ITPR2: variants seen among roughly 807,000 people sequenced by gnomAD.
The protein encoded by ITPR2 is inositol 1,4,5-trisphosphate-gated calcium channel ITPR2.
In ITPR2, 207 loss-of-function variants were observed where a neutral mutation model predicts 317.1. The ratio of observed to expected loss-of-function variants is 0.65; its 90% CI spans 0.58 to 0.73. ITPR2 has a LOEUF of 0.73. Ranked by LOEUF, ITPR2 falls within the 30% of genes least tolerant of loss-of-function variation. ITPR2 has a pLI of 0.00. For missense variants in ITPR2, 2,613 were observed against 3,284.0 expected (o/e 0.80, Z 4.99); for synonymous variants, 1,156 against 1,149.1 (o/e 1.01, Z -0.12).
Position 26,711,274 on chromosome 12 carries a change from AAG to A in ITPR2, c.856-8_856-7del. 1.9e-6 allele frequency: 3 copies of A among 1,600,038 alleles called. No homozygotes were observed. The highest frequency in any genetic ancestry group is 2.6e-6 in the Non-Finnish European group (3 of 1,167,196). ...CATGGGTCATGATGAACCACCTACA[AAG>A]AGAGCAACGATAGTAATGGCAAAAC... is the stretch of plus-strand genomic sequence containing the variant. On this transcript the variant is annotated splice_polypyrimidine_tract_variant and splice_region_variant and intron_variant, in intron 8 of 56. Transcript: ENST00000381340.
intron 37 of ITPR2, among the ~76,000 whole-genome samples, chr12:26,535,343 G>A (rs921378147): frequency 6.6e-5 from 10 of 152,126 alleles, no homozygotes; most frequent in South Asian, 2.1e-4. Flanking sequence ...GTGTACGGTC[G>A]AGGTCACAGA....
chr12:26,524,598 T>A (rs953490337), intron 37 of ITPR2, among the ~76,000 whole-genome samples: 1 of 152,184 alleles, frequency 6.6e-6, no homozygotes, highest in Admixed American at 6.5e-5. Context: ...TGTTTTTAAA[T>A]TTTTAAAAAA....
intron 9 of ITPR2, among the ~76,000 whole-genome samples, chr12:26,710,656 C>A: frequency 6.6e-6 from 1 of 152,202 alleles, no homozygotes; most frequent in East Asian, 1.9e-4. Flanking sequence ...TGTCTGTCAA[C>A]ATACTTTTAG....
At chr12:26,371,804 CTTCT>C (rs1364433752) in intron 55 of ITPR2, among the ~76,000 whole-genome samples, 1 of 152,094 alleles carries the variant, frequency 6.6e-6, no homozygotes, top group East Asian at 1.9e-4. Context: ...TTTCCAGTTC[CTTCT>C]ATCACATTTT....
intron 2 of ITPR2, among the ~76,000 whole-genome samples, chr12:26,761,659 T>C (rs561638774): frequency 1.2e-4 from 19 of 152,296 alleles, no homozygotes; most frequent in Non-Finnish European, 2.5e-4. Context: ...TAGCCAGGCA[T>C]AGTGGCACAT....
At chr12:26,475,861 A>G (rs370862260) in intron 44 of ITPR2, among the ~76,000 whole-genome samples, 1 of 152,250 alleles carries the variant, frequency 6.6e-6, no homozygotes, top group East Asian at 1.9e-4. Flanking sequence ...CATCGGTCCT[A>G]ATCCAGGGCT....
intron 37 of ITPR2, among the ~76,000 whole-genome samples, chr12:26,505,101 AT>A (rs1207555641): frequency 9.9e-5 from 15 of 152,204 alleles, no homozygotes; most frequent in African/African-American, 3.6e-4. Context: ...ATGAGTCTTT[AT>A]TATATTTAAT....
chr12:26,773,935 A>G (rs1949913931), intron 2 of ITPR2, among the ~76,000 whole-genome samples: 1 of 149,974 alleles, frequency 6.7e-6, no homozygotes, highest in Admixed American at 6.7e-5. Flanking sequence ...AGGATGACTC[A>G]CCACAAACAC....
chr12:26,456,595 A>G (rs1340532320), intron 45 of ITPR2, among the ~76,000 whole-genome samples: 1 of 152,134 alleles, frequency 6.6e-6, no homozygotes, highest in Non-Finnish European at 1.5e-5. Flanking sequence ...ACTTTACTCT[A>G]TGGACTTGCC....
rs7964736 is a variant in ITPR2 at position 26,598,493 on chromosome 12, G to C, written c.4002+652C>G. 7.0e-3 allele frequency among the ~76,000 whole-genome samples: 1,068 copies of C among 152,248 alleles called. 12 individuals carry two copies. Among genetic ancestry groups the C allele is most frequent in the African/African-American group, 0.025 (1,036 of 41,544 alleles). The stretch of plus-strand genomic sequence containing the variant: ...CACAGAGCGGTGATTTAATCAACGG[G>C]CTCTTTAAGCTGCTACTTCTCCAAT... On this transcript the variant is annotated intron_variant, in intron 30 of 56. Coordinates refer to ENST00000381340, the MANE Select transcript of ITPR2 (RefSeq NM_002223.4).
chr12:26,623,291 T>A (rs1328584013), intron 24 of ITPR2: 1 of 152,170 alleles, frequency 6.6e-6, no homozygotes, highest in Non-Finnish European at 1.5e-5. Context: ...ATTTGGGACA[T>A]GAATCATCCC....
intron 37 of ITPR2, among the ~76,000 whole-genome samples, chr12:26,549,602 T>C (rs1047577819): frequency 2.6e-5 from 4 of 152,128 alleles, no homozygotes; most frequent in African/African-American, 9.7e-5. Flanking sequence ...TCTAGATTTA[T>C]ACTTTATATT....
intron 13 of ITPR2, among the ~76,000 whole-genome samples, chr12:26,681,324 G>A (rs1435411853): frequency 2.0e-5 from 3 of 152,288 alleles, no homozygotes; most frequent in South Asian, 2.1e-4. Flanking sequence ...TGCAATAATC[G>A]TTAGCTGTCA....
chr12:26,639,546 T>G (rs1394727326), intron 21 of ITPR2, among the ~76,000 whole-genome samples: 1 of 151,956 alleles, frequency 6.6e-6, no homozygotes, highest in Non-Finnish European at 1.5e-5. Context: ...TGTATACATG[T>G]GCCATGTTGG....
intron 10 of ITPR2, among the ~76,000 whole-genome samples, chr12:26,687,812 T>C (rs539194041): frequency 1.3e-5 from 2 of 152,192 alleles, no homozygotes; most frequent in Non-Finnish European, 2.9e-5. Context: ...GCTCCCGTCA[T>C]CTTTGACTTC....
intron 21 of ITPR2, among the ~76,000 whole-genome samples, chr12:26,651,170 C>T (rs1382331427): frequency 6.6e-6 from 1 of 152,100 alleles, no homozygotes; most frequent in Admixed American, 6.5e-5. Context: ...ATTTTAAATA[C>T]TCATTCTGTT....
chr12:26,503,050 T>C (rs1943107487), intron 37 of ITPR2, among the ~76,000 whole-genome samples: 1 of 152,118 alleles, frequency 6.6e-6, no homozygotes. Context: ...TCAACAGTAG[T>C]GCAGTCCTTG....
In ITPR2 at chr12:26,436,355, T is replaced by C. The variant is rs1941348130; in HGVS notation, c.6644-9A>G. On this transcript the variant is annotated splice_polypyrimidine_tract_variant and intron_variant, in intron 47 of 56. Coordinates refer to ENST00000381340, the MANE Select transcript of ITPR2 (RefSeq NM_002223.4). ...GAACAGTGCAGGGTTATCTAGGAAGTGAGAAATGTAAAGGAACTGAACAGG... is the reference window on the plus strand; with the variant it reads ...GAACAGTGCAGGGTTATCTAGGAAGCGAGAAATGTAAAGGAACTGAACAGG... 3 of 1,599,622 alleles carry C rather than the reference T, an allele frequency of 1.9e-6. No individual in the cohort carries two copies. Among genetic ancestry groups the C allele is most frequent in the South Asian group, 1.1e-5 (1 of 87,656 alleles).
rs779174833 is a variant in ITPR2, at chr12:26,655,663, C to T, written c.2589+45G>A. On this transcript the variant is annotated intron_variant, in intron 20 of 56. Transcript: ENST00000381340. ...GAAAATAATACCTTCATGAACTAAA[C>T]TACCCAGTTACCAAAACATCCTAAA... The T allele has an allele frequency of 1.8e-5, 19 of 1,073,432 alleles. No individual in the cohort carries two copies. The South Asian group carries it at 2.6e-4, about 14-fold the overall frequency. 66.5% of individuals were successfully genotyped at this position (1,073,432 alleles called of 1,614,324 possible).
Sources: allele counts gnomAD v4.1 joint callset (sites outside exome capture counted in the v4.1 genomes callset), GRCh38; gene constraint gnomAD v4.1.1; transcripts MANE v1.5; gene names NCBI Gene and HGNC (gene_info 2026-07-23, HGNC 2026-07-21).